The following CYRIB variants were observed in gnomAD, a reference collection of about 807,000 sequenced individuals.
CYRIB encodes the protein CYFIP-related Rac1 interactor B.
CYRIB carries 8 observed loss-of-function variants against 44.2 expected under a neutral mutation model. The observed-to-expected ratio is 0.18, with a 90% CI of 0.11 to 0.33. The LOEUF is 0.33. Ranked by LOEUF, CYRIB falls within the 10% of genes least tolerant of loss-of-function variation. CYRIB has a pLI of 1.00. For synonymous variants in CYRIB, 131 were observed against 127.2 expected, an observed-to-expected ratio of 1.03 and a Z score of -0.20; for missense variants, 185 against 382.8, an observed-to-expected ratio of 0.48 and a Z score of 4.31.
rs551972012 is a variant in CYRIB, at chr8:129,854,414, CTTTAGT to C, written c.439-77_439-72del. On this transcript the variant is annotated intron_variant, in intron 6 of 11. Transcript: ENST00000519824. The stretch of plus-strand genomic sequence containing the variant: ...AATGTAAAAAAACTAAGTAAAAAAT[CTTTAGT>C]TTTAATTAGTATAAAACATTCCATA... 6.4e-5 allele frequency: 73 copies of C among 1,135,812 alleles called. No homozygotes were observed. In the African/African-American group the frequency reaches 1.0e-3, roughly 16 times the overall value. The allele number at this position is 1,135,812 out of a possible 1,614,324, so 70.4% of individuals were successfully genotyped here. A position where few individuals can be genotyped will look rare whatever the true frequency, so the allele number is the denominator to read the frequency against.
At chr8:129,906,983 C>T (rs2075744459) in intron 1 of CYRIB, among the ~76,000 whole-genome samples, 1 of 152,166 alleles carries the variant, frequency 6.6e-6, no homozygotes, top group African/African-American at 2.4e-5. Flanking sequence ...GAAACAGGAA[C>T]ACTTTTACAC....
intron 2 of CYRIB, among the ~76,000 whole-genome samples, chr8:129,959,512 C>T (rs1445200382): frequency 2.6e-5 from 4 of 152,062 alleles, no homozygotes; most frequent in Non-Finnish European, 5.9e-5. Context: ...TGATGACTCA[C>T]GCCTGTAATC....
At chr8:129,898,668 A>G (rs1389868995) in intron 2 of CYRIB, among the ~76,000 whole-genome samples, 1 of 152,220 alleles carries the variant, frequency 6.6e-6, no homozygotes, top group Non-Finnish European at 1.5e-5. Flanking sequence ...CTCCAGGCTT[A>G]TCATAACCAA....
At position 129,928,667 on chromosome 8, in the gene CYRIB, A is replaced by G. The variant is rs138980162; in HGVS notation, c.-50+10941T>C. Among the ~76,000 whole-genome samples the G allele has an allele frequency of 2.2e-3, 338 of 152,068 alleles. 10 individuals are homozygous for G. The East Asian group carries it at 0.058, about 26-fold the overall frequency. On this transcript the variant is annotated intron_variant, in intron 1 of 11. Coordinates refer to ENST00000519824, the Ensembl canonical transcript of CYRIB. ...AAAGTAAAATCCTTTCTTTAAAAAA[A>G]AAAAAGAAAAAAGAAAAGAAAAGAA... is the stretch of plus-strand genomic sequence containing the variant.
rs184906815 is a variant in CYRIB at position 129,997,258 on chromosome 8, A to G, written c.-296+19112T>C. Among the ~76,000 whole-genome samples the G allele has an allele frequency of 2.7e-4, 41 of 152,082 alleles. No individual in the cohort carries two copies. The East Asian group carries it at 3.7e-3, about 14-fold the overall frequency. ...CCACACAATCCTTCACCCCAAGACCACTCTATTATCTACTGCAGGATACCC... is the reference window on the plus strand; with the variant it reads ...CCACACAATCCTTCACCCCAAGACCGCTCTATTATCTACTGCAGGATACCC... On this transcript the variant is annotated intron_variant, in intron 1 of 14. Transcript: ENST00000401979.
chr8:129,990,195 C>CATAAACACGTGAATATACATAT (rs1179278891), intron 1 of CYRIB, among the ~76,000 whole-genome samples: 2 of 152,190 alleles, frequency 1.3e-5, no homozygotes, highest in East Asian at 3.9e-4. Flanking sequence ...GTAGGTGCTC[C>CATAAACACGTGAATATACATAT]ATAAACACGT....
rs151009414 is a variant in CYRIB at position 129,870,315 on chromosome 8, C to A, written c.195+1060G>T. 7.2e-5 allele frequency among the ~76,000 whole-genome samples: 11 copies of A among 152,268 alleles called. No individual in the cohort carries two copies. The East Asian group carries it at 2.1e-3, about 29-fold the overall frequency. On this transcript the variant is annotated intron_variant, in intron 4 of 11. Transcript: ENST00000519824. ...GTGCCAGCTACTTGGGCGACTGAGGCAAGACGATCACTTGAGCCCAGCAGG... is the reference window on the plus strand; with the variant it reads ...GTGCCAGCTACTTGGGCGACTGAGGAAAGACGATCACTTGAGCCCAGCAGG...
chr8:129,871,029 A>G (rs1053785392), intron 4 of CYRIB, among the ~76,000 whole-genome samples: 3 of 152,174 alleles, frequency 2.0e-5, no homozygotes, highest in Non-Finnish European at 2.9e-5. Flanking sequence ...ACCACACTAC[A>G]TATTTTCTTT....
intron 1 of CYRIB, among the ~76,000 whole-genome samples, chr8:129,923,283 T>A (rs1005389628): frequency 6.6e-6 from 1 of 150,958 alleles, no homozygotes; most frequent in Non-Finnish European, 1.5e-5. Context: ...TATGTATGTA[T>A]GTATGTTTGA....
exon 10 of CYRIB, chr8:129,849,348 T>C: frequency 6.2e-7 from 1 of 1,612,954 alleles, no homozygotes; most frequent in Non-Finnish European, 8.5e-7. Context: ...TCTCTTCATT[T>C]GTAAATCTGC....
intron 5 of CYRIB, among the ~76,000 whole-genome samples, 171 bp downstream of exon 7, chr8:129,862,058 C>G (rs2050037505): frequency 6.6e-6 from 1 of 152,014 alleles, no homozygotes; most frequent in Admixed American, 6.5e-5. Flanking sequence ...ATTAAAAGGC[C>G]AGGGTTGAAA....
At chr8:129,883,542 T>C (rs2061589456) in intron 2 of CYRIB, among the ~76,000 whole-genome samples, 1 of 152,176 alleles carries the variant, frequency 6.6e-6, no homozygotes, top group South Asian at 2.1e-4. Context: ...CTATCCTTTA[T>C]AAGAATAAAC....
At chr8:129,977,387 T>C (rs554775611) in intron 1 of CYRIB, among the ~76,000 whole-genome samples, 1 of 152,198 alleles carries the variant, frequency 6.6e-6, no homozygotes, top group Non-Finnish European at 1.5e-5. Context: ...ATGTCATGTT[T>C]TAAATAAACT....
intron 1 of CYRIB, among the ~76,000 whole-genome samples, chr8:129,931,863 G>C (rs969125457): frequency 6.6e-6 from 1 of 152,106 alleles, no homozygotes; most frequent in African/African-American, 2.4e-5. Context: ...CTGGCCTCAA[G>C]TGATTTGTCC....
At chr8:129,936,751 G>C (rs1156649266) in intron 1 of CYRIB, among the ~76,000 whole-genome samples, 3 of 145,446 alleles carry the variant, frequency 2.1e-5, no homozygotes, top group African/African-American at 7.7e-5. Context: ...CTGTCGCCCA[G>C]GCTGGAGTGC....
intron 2 of CYRIB, among the ~76,000 whole-genome samples, chr8:129,968,427 C>T (rs2095568615): frequency 6.6e-6 from 1 of 152,022 alleles, no homozygotes. Context: ...TTCTTGTGAA[C>T]CTAAACTAAG....
chr8:129,893,308 A>G lies in CYRIB; in HGVS notation c.-11+10004T>C, dbSNP rs113931829. 5.1e-3 allele frequency among the ~76,000 whole-genome samples: 779 copies of G among 152,352 alleles called. 10 individuals are homozygous for G. Among genetic ancestry groups the G allele is most frequent in the African/African-American group, 0.018 (739 of 41,574 alleles). ...ACCTGTCTGCCAATGGCTATGATGAATACTGAATATCTGGTGCTGAGGAAT... is the reference window on the plus strand; with the variant it reads ...ACCTGTCTGCCAATGGCTATGATGAGTACTGAATATCTGGTGCTGAGGAAT... On this transcript the variant is annotated intron_variant, in intron 2 of 11. Transcript: ENST00000519824.
At chr8:129,865,419 G>C (rs2052907857) in intron 4 of CYRIB, among the ~76,000 whole-genome samples, 1 of 152,206 alleles carries the variant, frequency 6.6e-6, no homozygotes, top group South Asian at 2.1e-4. Context: ...TTTTGCTTTA[G>C]ACATTTGCAG....
chr8:129,848,827 C>G (rs2041809339), intron 10 of CYRIB, among the ~76,000 whole-genome samples: 1 of 152,090 alleles, frequency 6.6e-6, no homozygotes, highest in South Asian at 2.1e-4. Context: ...CTGCTTCAGC[C>G]TGCCAAAGTG....
Sources: gnomAD v4.1 joint callset for allele counts (sites outside exome capture counted in the v4.1 genomes callset) on GRCh38, gnomAD v4.1.1 for gene constraint, MANE v1.5 for transcripts, NCBI Gene and HGNC (gene_info 2026-07-23, HGNC 2026-07-21) for gene names.